Variants in ZNF385D observed in about 807,000 individuals in gnomAD.
ZNF385D encodes zinc finger protein 385D.
ZNF385D carries 15 observed loss-of-function variants against 35.8 expected under a neutral mutation model. That is an observed-to-expected ratio of 0.42 (90% CI 0.28 to 0.64). The LOEUF is 0.64. Among genes scored for constraint, ZNF385D ranks in the 30% least tolerant of loss-of-function variants. ZNF385D has a pLI of 0.23. For missense variants in ZNF385D, 474 were observed against 494.6 expected (o/e 0.96, Z 0.39); for synonymous variants, 212 against 186.8 (o/e 1.13, Z -1.10).
At chr3:22,302,878 A>T (rs1345159083) in intron 2 of ZNF385D, among the ~76,000 whole-genome samples, 1 of 152,070 alleles carries the variant, frequency 6.6e-6, no homozygotes, top group Non-Finnish European at 1.5e-5. Context: ...TTATTTCTCT[A>T]GCTAAAGAAA....
intron 3 of ZNF385D, among the ~76,000 whole-genome samples, chr3:22,142,798 C>G (rs1456740336): frequency 2.0e-5 from 3 of 151,982 alleles, no homozygotes; most frequent in Non-Finnish European, 4.4e-5. Context: ...TTTCCCAAGC[C>G]TAAGGACACA....
chr3:22,252,876 A>C (rs1700132529), intron 2 of ZNF385D, among the ~76,000 whole-genome samples: 1 of 152,108 alleles, frequency 6.6e-6, no homozygotes, highest in South Asian at 2.1e-4. Flanking sequence ...ACACTGGCGA[A>C]GACTGTAAAA....
intron 3 of ZNF385D, among the ~76,000 whole-genome samples, chr3:21,986,653 G>C (rs892657414): frequency 5.5e-5 from 8 of 144,630 alleles, no homozygotes; most frequent in African/African-American, 2.2e-4. Context: ...TGTTGATTTG[G>C]GGTGGAGAGT....
intron 2 of ZNF385D, among the ~76,000 whole-genome samples, chr3:22,212,138 G>A (rs1292821374): frequency 6.6e-6 from 1 of 151,860 alleles, no homozygotes; most frequent in East Asian, 1.9e-4. Flanking sequence ...CAAAAAGTTG[G>A]GCAGTTTCTT....
At chr3:22,127,317 C>CCTTTTTTTTTTTTTTTTTT (rs1703492425) in intron 3 of ZNF385D, among the ~76,000 whole-genome samples, 1 of 56,308 alleles carries the variant, frequency 1.8e-5, no homozygotes, top group African/African-American at 7.9e-5. Flanking sequence ...TCATTTCCTG[C>CCTTTTTTTTTTTTTTTTTT]TTTTTTTTTT....
At chr3:21,625,064 A>G (rs2065098932) in intron 2 of ZNF385D, among the ~76,000 whole-genome samples, 1 of 152,110 alleles carries the variant, frequency 6.6e-6, no homozygotes, top group African/African-American at 2.4e-5. Flanking sequence ...GTTCTAATAA[A>G]TTTGTTACAA....
intron 2 of ZNF385D, among the ~76,000 whole-genome samples, chr3:21,627,655 A>C (rs2125827797): frequency 6.6e-6 from 1 of 152,276 alleles, no homozygotes; most frequent in East Asian, 1.9e-4. Flanking sequence ...GCAGAAAAAA[A>C]GTTCAAAACA....
At chr3:22,233,751 G>C (rs1337957333) in intron 2 of ZNF385D, among the ~76,000 whole-genome samples, 1 of 151,988 alleles carries the variant, frequency 6.6e-6, no homozygotes, top group Non-Finnish European at 1.5e-5. Context: ...TTGAGTTCCA[G>C]GGTGGTTTAA....
intron 3 of ZNF385D, among the ~76,000 whole-genome samples, chr3:21,928,450 C>G (rs531818689): frequency 3.3e-5 from 5 of 151,118 alleles, no homozygotes; most frequent in African/African-American, 1.2e-4. Flanking sequence ...AGGGAGAGAG[C>G]GAAGGAATCA....
At chr3:21,575,679 A>T (rs777003157) in intron 2 of ZNF385D, among the ~76,000 whole-genome samples, 1 of 152,104 alleles carries the variant, frequency 6.6e-6, no homozygotes, top group Non-Finnish European at 1.5e-5. Context: ...ACCTTCTTCA[A>T]CCAGGCTAAG....
At chr3:22,090,982 G>C (rs907502695) in intron 3 of ZNF385D, among the ~76,000 whole-genome samples, 1 of 152,184 alleles carries the variant, frequency 6.6e-6, no homozygotes, top group Non-Finnish European at 1.5e-5. Flanking sequence ...CATGGCAAAA[G>C]AATTGCAAGA....
intron 2 of ZNF385D, among the ~76,000 whole-genome samples, chr3:22,181,630 G>A (rs1426365276): frequency 1.3e-5 from 2 of 151,316 alleles, no homozygotes; most frequent in African/African-American, 4.9e-5. Flanking sequence ...CTCAGGAGGC[G>A]GAGCTTGCAG....
chr3:22,083,284 C>A (rs1288219573), intron 3 of ZNF385D, among the ~76,000 whole-genome samples: 2 of 148,358 alleles, frequency 1.3e-5, no homozygotes, highest in South Asian at 2.1e-4. Context: ...ACAAACTTCT[C>A]CGAGCTAAAG....
chr3:21,746,300 T>C (rs1021961509), intron 1 of ZNF385D, among the ~76,000 whole-genome samples: 3 of 152,200 alleles, frequency 2.0e-5, no homozygotes, highest in African/African-American at 7.2e-5. Flanking sequence ...ACAACAACTG[T>C]GGAGGTCCTT....
chr3:21,972,872 G>A (rs1257583582), intron 3 of ZNF385D, among the ~76,000 whole-genome samples: 1 of 151,938 alleles, frequency 6.6e-6, no homozygotes, highest in Non-Finnish European at 1.5e-5. Context: ...GAACCGTGAA[G>A]AAATCCAAAA....
intron 3 of ZNF385D, among the ~76,000 whole-genome samples, chr3:22,154,389 G>C (rs1016898796): frequency 6.6e-6 from 1 of 152,076 alleles, no homozygotes; most frequent in Non-Finnish European, 1.5e-5. Context: ...ACCTTCCCAG[G>C]ATCCAGAGTA....
chr3:22,104,344 T>C (rs1702097842), intron 3 of ZNF385D, among the ~76,000 whole-genome samples: 1 of 152,138 alleles, frequency 6.6e-6, no homozygotes, highest in African/African-American at 2.4e-5. Flanking sequence ...AGGATGACGT[T>C]TTATTACTCG....
At chr3:21,994,551 G>A (rs1695346132) in intron 3 of ZNF385D, among the ~76,000 whole-genome samples, 1 of 151,362 alleles carries the variant, frequency 6.6e-6, no homozygotes, top group African/African-American at 2.4e-5. Context: ...CTCTTTCATT[G>A]GAATCTATTG....
intron 3 of ZNF385D, among the ~76,000 whole-genome samples, chr3:21,915,696 G>A (rs998334311): frequency 1.2e-4 from 19 of 152,020 alleles, no homozygotes; most frequent in African/African-American, 4.3e-4. Flanking sequence ...CCAATAAGTA[G>A]GTCAATTGCA....
Sources: allele counts gnomAD v4.1 joint callset (sites outside exome capture counted in the v4.1 genomes callset), GRCh38; gene constraint gnomAD v4.1.1; transcripts MANE v1.5; gene names NCBI Gene and HGNC (gene_info 2026-07-23, HGNC 2026-07-21).